The following ACIN1 variants were observed in gnomAD, a reference collection of about 807,000 sequenced individuals.
The protein encoded by ACIN1 is apoptotic chromatin condensation inducer in the nucleus.
Under a neutral mutation model 146.6 loss-of-function variants are expected in ACIN1, and 16 were observed. That is an observed-to-expected ratio of 0.11 (90% CI 0.07 to 0.17). The LOEUF (loss-of-function observed/expected upper bound fraction) is 0.17. ACIN1 is among the 10% of genes least tolerant of loss of function. ACIN1 has a pLI of 1.00. For synonymous variants in ACIN1, 569 were observed against 582.7 expected, an observed-to-expected ratio of 0.98 and a Z score of 0.34; for missense variants, 1,357 against 1,609.3, an observed-to-expected ratio of 0.84 and a Z score of 2.68.
At chr14:23,066,326 GC>G in intron 9 of ACIN1, 1 of 219,300 alleles carries the variant, frequency 4.6e-6, no homozygotes, top group Non-Finnish European at 9.1e-6. Flanking sequence ...TAGCCTCTCA[GC>G]CCCCTAAAGA....
chr14:23,073,564 A>G (rs2140106479), intron 8 of ACIN1, among the ~76,000 whole-genome samples: 1 of 152,292 alleles, frequency 6.6e-6, no homozygotes, highest in East Asian at 1.9e-4. Flanking sequence ...AGGCTGAGGC[A>G]GGAGAATCAC....
At chr14:23,095,502 T>C, upstream of ACIN1, 1 of 610,782 alleles carries the variant, frequency 1.6e-6, no homozygotes, top group Non-Finnish European at 2.7e-6. Context: ...AGGCCGGAAG[T>C]GCGTGGGCTG....
At chr14:23,059,867 G>A (rs2047216485) in intron 18 of ACIN1, among the ~76,000 whole-genome samples, 1 of 151,918 alleles carries the variant, frequency 6.6e-6, no homozygotes, top group African/African-American at 2.4e-5. Context: ...TTGTTAGCCA[G>A]GATGGTCTTG....
chr14:23,069,052 A>C (rs2047545687), intron 9 of ACIN1: 5 of 987,886 alleles, frequency 5.1e-6, no homozygotes, highest in African/African-American at 3.5e-5. Context: ...AAAATTTCTC[A>C]GCATGGCTGG....
chr14:23,068,209 A>G lies in ACIN1; in HGVS notation c.2265+1267T>C. The G allele has an allele frequency of 1.0e-6, 1 of 985,914 alleles. No homozygotes were observed. The highest frequency in any genetic ancestry group is 1.7e-5 in the African/African-American group (1 of 57,360). The allele number at this position is 985,914 out of a possible 1,614,324, so 61.1% of individuals were successfully genotyped here. On this transcript the variant is annotated intron_variant, in intron 9 of 18. Coordinates refer to ENST00000605057, the MANE Select transcript of ACIN1 (RefSeq NM_001386863.1). The surrounding 1 kb of genome is among the most constrained non-coding windows in gnomAD (Gnocchi z 4.3). Reference sequence around the variant, plus strand: ...ACAGCTTAAGTAGAGGGTCCCACTCAGTGTTTTACAGCATGGCACTGCGAT... The same window carrying G: ...ACAGCTTAAGTAGAGGGTCCCACTCGGTGTTTTACAGCATGGCACTGCGAT...
At chr14:23,076,829 G>A (rs183971381) in intron 8 of ACIN1, among the ~76,000 whole-genome samples, 6 of 152,120 alleles carry the variant, frequency 3.9e-5, no homozygotes, top group African/African-American at 1.2e-4. Flanking sequence ...AAGAGAAAAT[G>A]TCACCCCATT....
chr14:23,088,935 C>T (rs566836861), intron 4 of ACIN1, among the ~76,000 whole-genome samples: 9 of 152,294 alleles, frequency 5.9e-5, no homozygotes, highest in African/African-American at 2.2e-4. Flanking sequence ...TCAACCTGCA[C>T]ATATTTTCCT....
intron 13 of ACIN1, 134 bp from the exon 14 acceptor site, chr14:23,063,208 T>C (rs2047342799): frequency 6.8e-6 from 8 of 1,175,618 alleles, no homozygotes; most frequent in Non-Finnish European, 9.6e-6. Context: ...AGAGCACCTA[T>C]AATCTGCAAA....
rs971710701 is a variant in ACIN1 at position 23,093,036 on chromosome 14, T to C, written c.204+443A>G. ...CTGAGTTAGTAGTTAACACTAGTAATGGTGGGTGACTTACACAGGATTGAA... is the reference window on the plus strand; with the variant it reads ...CTGAGTTAGTAGTTAACACTAGTAACGGTGGGTGACTTACACAGGATTGAA... On this transcript the variant is annotated intron_variant, in intron 2 of 18. Transcript: ENST00000605057. Among the ~76,000 whole-genome samples, 88 of 152,346 alleles carry C rather than the reference T, an allele frequency of 5.8e-4. 1 individual carries two copies. The highest frequency in any genetic ancestry group is 3.4e-3 in the Middle Eastern group (1 of 294).
chr14:23,081,056 CCT>C (rs2047932018), intron 5 of ACIN1, among the ~76,000 whole-genome samples: 1 of 151,004 alleles, frequency 6.6e-6, no homozygotes, highest in Admixed American at 6.6e-5. Context: ...TCAAGCACCC[CCT>C]TTTTTTTTTT....
intron 4 of ACIN1, among the ~76,000 whole-genome samples, chr14:23,082,437 ATTTTTTTTTT>A (rs11378976): frequency 5.2e-5 from 5 of 95,818 alleles, no homozygotes; most frequent in Non-Finnish European, 6.1e-5. Context: ...AGAGCTCAAT[ATTTTTTTTTT>A]TTTTTTTTTT....
In ACIN1 at chr14:23,080,076, G is replaced by A. The variant is rs3751501; in HGVS notation, c.1259C>T (p.Ser420Phe). 87,408 of 1,614,112 alleles carry A rather than the reference G, an allele frequency of 0.054. 2,603 individuals carry two copies. Among genetic ancestry groups the A allele is most frequent in the East Asian group, 0.11 (5,095 of 44,864 alleles). ...QHTVQLVGGL[S>F]PLSSPSDTKA... ...GGTGTCTGAAGGACTTGACAAAGGA[G>A]ACAGGCCTCCTACCAACTGGACAGT... The change falls in exon 6 of 19, where the codon TCT becomes TTT. Residue 420 changes from serine (S) to phenylalanine (F), a missense_variant. Ser to Phe is a radical substitution (Grantham distance 155). Transcript: ENST00000605057.
intron 4 of ACIN1, 28 bp from the exon 5 acceptor site, chr14:23,081,864 A>C: frequency 6.4e-7 from 1 of 1,574,116 alleles, no homozygotes; most frequent in South Asian, 1.1e-5. Flanking sequence ...ATCAAGTCAG[A>C]TTCATGAAGT....
intron 8 of ACIN1, 129 bp downstream of exon 8, chr14:23,078,022 T>C (rs2047843341): frequency 1.3e-6 from 1 of 797,898 alleles, no homozygotes; most frequent in Non-Finnish European, 2.0e-6. Context: ...CTAGCCTTTG[T>C]CCAGATAAAG....
chr14:23,084,440 A>C (rs2048033340), intron 4 of ACIN1, among the ~76,000 whole-genome samples: 1 of 152,068 alleles, frequency 6.6e-6, no homozygotes, highest in Admixed American at 6.5e-5. Flanking sequence ...CCTCATCTCT[A>C]CTAAAAATAC....
chr14:23,069,638 T>TGGGG, intron 8 of ACIN1, 21 bp from the exon 9 acceptor site: 1 of 326,666 alleles, frequency 3.1e-6, no homozygotes. Context: ...GGGGGAGTGG[T>TGGGG]GGTGGGGGGG....
chr14:23,070,700 A>G (rs2047612324), intron 8 of ACIN1, among the ~76,000 whole-genome samples: 1 of 152,200 alleles, frequency 6.6e-6, no homozygotes, highest in South Asian at 2.1e-4. Flanking sequence ...GGCTCAGGAG[A>G]GGGGAAACCA....
chr14:23,066,310 G>T, intron 9 of ACIN1: 1 of 250,844 alleles, frequency 4.0e-6, no homozygotes, highest in East Asian at 8.7e-5. Flanking sequence ...TGGAAGAGGA[G>T]TTCAGTAGCC....
intron 3 of ACIN1, 62 bp downstream of exon 3, chr14:23,090,460 T>C: frequency 7.0e-7 from 1 of 1,430,242 alleles, no homozygotes; most frequent in Non-Finnish European, 9.8e-7. Flanking sequence ...GACAGGCCTA[T>C]CTACTTGGTG....
Sources: allele counts gnomAD v4.1 joint callset (sites outside exome capture counted in the v4.1 genomes callset), GRCh38; gene constraint gnomAD v4.1.1; non-coding constraint Gnocchi (gnomAD v3.1); transcripts MANE v1.5; gene names NCBI Gene and HGNC (gene_info 2026-07-23, HGNC 2026-07-21).